NUCB2: variants seen among roughly 807,000 people sequenced by gnomAD.
NUCB2 encodes the protein nucleobindin 2.
Under a neutral mutation model 57.9 loss-of-function variants are expected in NUCB2, and 48 were observed. The ratio of observed to expected loss-of-function variants is 0.83; its 90% CI spans 0.66 to 1.05. NUCB2 has a LOEUF of 1.05. Among genes scored for constraint, NUCB2 ranks in the 50% least tolerant of loss-of-function variants. The probability of loss-of-function intolerance (pLI) is 0.00; values close to 1 mark genes in which losing one functional copy is unlikely to be tolerated. For synonymous variants in NUCB2, 139 were observed against 152.1 expected (o/e 0.91, Z 0.64); for missense variants, 442 against 476.2 (o/e 0.93, Z 0.67).
At chr11:17,288,615 C>A (rs1944244613) in intron 2 of NUCB2, among the ~76,000 whole-genome samples, 1 of 132,988 alleles carries the variant, frequency 7.5e-6, no homozygotes, top group Admixed American at 8.7e-5. Context: ...GTGGCACAAT[C>A]TTGGCTCACT....
intron 2 of NUCB2, among the ~76,000 whole-genome samples, chr11:17,288,268 C>G (rs910666265): frequency 6.6e-6 from 1 of 152,172 alleles, no homozygotes. Flanking sequence ...TGAAAAAGCA[C>G]GGTGGTGTAA....
intron 5 of NUCB2, among the ~76,000 whole-genome samples, chr11:17,309,203 C>G (rs542564197): frequency 2.0e-5 from 3 of 151,940 alleles, no homozygotes; most frequent in Non-Finnish European, 2.9e-5. Context: ...CACCTGTTGT[C>G]CTAGCTACTT....
chr11:17,323,336 T>G (rs1391095750), intron 11 of NUCB2, among the ~76,000 whole-genome samples: 1 of 152,220 alleles, frequency 6.6e-6, no homozygotes, highest in Non-Finnish European at 1.5e-5. Flanking sequence ...GTTGAAATGA[T>G]CATATGGTTT....
At chr11:17,314,935 G>GT (rs138734583) in intron 10 of NUCB2, among the ~76,000 whole-genome samples, 1 of 152,036 alleles carries the variant, frequency 6.6e-6, no homozygotes, top group South Asian at 2.1e-4. Context: ...TGGTAATTGT[G>GT]TTTTTTTAAG....
At position 17,330,355 on chromosome 11, in the gene NUCB2, C is replaced by T. The variant is rs1951239097; in HGVS notation, c.1173+58C>T. On this transcript the variant is annotated intron_variant, in intron 12 of 13. Coordinates refer to ENST00000529010, the MANE Select transcript of NUCB2 (RefSeq NM_005013.4). This position sits in a 1 kb window ranked among gnomAD's most constrained non-coding sequence, Gnocchi z 4.3. ...AAGATTTTAGGTGCTTTGTTAAAAGCCTGTGTTTTTGTAACATATTTCATT... is the reference window on the plus strand; with the variant it reads ...AAGATTTTAGGTGCTTTGTTAAAAGTCTGTGTTTTTGTAACATATTTCATT... 1 of 1,352,156 alleles carries T rather than the reference C, an allele frequency of 7.4e-7. No homozygotes were observed. Among genetic ancestry groups the T allele is most frequent in the Non-Finnish European group, 1.0e-6 (1 of 974,334 alleles). The allele number at this position is 1,352,156 out of a possible 1,614,324, so 83.8% of individuals were successfully genotyped here. A position where few individuals can be genotyped will look rare whatever the true frequency, so the allele number is the denominator to read the frequency against.
At chr11:17,347,286 T>C (rs1049760602) in intron 2 of NUCB2, among the ~76,000 whole-genome samples, 2 of 152,204 alleles carry the variant, frequency 1.3e-5, no homozygotes, top group Non-Finnish European at 2.9e-5. Flanking sequence ...AAGTCAGATA[T>C]GCATCTATCT....
At chr11:17,280,285 T>C (rs1942295130) in intron 1 of NUCB2, among the ~76,000 whole-genome samples, 1 of 152,174 alleles carries the variant, frequency 6.6e-6, no homozygotes, top group South Asian at 2.1e-4. Flanking sequence ...CATTGATGAG[T>C]GTCCTTTTCT....
intron 11 of NUCB2, among the ~76,000 whole-genome samples, chr11:17,315,761 T>C (rs1949149530): frequency 6.6e-6 from 1 of 152,140 alleles, no homozygotes; most frequent in South Asian, 2.1e-4. Flanking sequence ...TATAGATATA[T>C]TGAAAGAATA....
At chr11:17,323,122 A>G (rs1453575598) in intron 11 of NUCB2, among the ~76,000 whole-genome samples, 2 of 152,158 alleles carry the variant, frequency 1.3e-5, no homozygotes, top group Non-Finnish European at 2.9e-5. Flanking sequence ...ACTACATTGA[A>G]TAACAGTGGT....
At chr11:17,324,800 T>TTATG (rs1555105095) in intron 11 of NUCB2, among the ~76,000 whole-genome samples, 5 of 151,454 alleles carry the variant, frequency 3.3e-5, no homozygotes, top group Admixed American at 6.6e-5. Flanking sequence ...ATTTATTTAT[T>TTATG]TATTTATTTA....
In NUCB2 at chr11:17,301,803, T is replaced by G; in HGVS notation, c.312T>G (p.Asp104Glu). ...GTCACCATGTGAGGACAAAACTTGA[T>G]GAACTGAAAAGGCAAGAAGTAGGAA... ...LVSHHVRTKL[D>E]ELKRQEVGRL... is the part of the protein sequence containing the mutation. The change falls in exon 5 of 14, where the codon GAT (aspartate) becomes GAG (glutamate). Residue 104 changes from aspartate (D) to glutamate (E), a missense_variant. Coordinates refer to ENST00000529010, the MANE Select transcript of NUCB2 (RefSeq NM_005013.4). 1 of 1,612,776 alleles carries G rather than the reference T, an allele frequency of 6.2e-7. No homozygotes were observed. Among genetic ancestry groups the G allele is most frequent in the Non-Finnish European group, 8.5e-7 (1 of 1,178,768 alleles).
At chr11:17,319,100 T>C (rs1591503551) in intron 11 of NUCB2, among the ~76,000 whole-genome samples, 1 of 152,350 alleles carries the variant, frequency 6.6e-6, no homozygotes, top group Non-Finnish European at 1.5e-5. Flanking sequence ...ATTATTACTG[T>C]GATGGTTGAC....
At chr11:17,319,504 T>C (rs1949730172) in intron 11 of NUCB2, among the ~76,000 whole-genome samples, 1 of 152,222 alleles carries the variant, frequency 6.6e-6, no homozygotes, top group Non-Finnish European at 1.5e-5. Flanking sequence ...TGTCATTGCT[T>C]CCAAGGTCTT....
intron 2 of NUCB2, among the ~76,000 whole-genome samples, chr11:17,294,076 T>G (rs867228080): frequency 6.6e-6 from 1 of 152,228 alleles, no homozygotes; most frequent in South Asian, 2.1e-4. Flanking sequence ...AATGCACACC[T>G]ATGTATGTGT....
At chr11:17,341,932 AATCC>A (rs1952304123) in intron 2 of NUCB2, among the ~76,000 whole-genome samples, 1 of 152,208 alleles carries the variant, frequency 6.6e-6, no homozygotes, top group Non-Finnish European at 1.5e-5. Context: ...TTAGGCTGTG[AATCC>A]ATCTGGTCCT....
intron 11 of NUCB2, among the ~76,000 whole-genome samples, chr11:17,318,021 AGAGTCTCTCTCT>A (rs1275002105): frequency 6.8e-6 from 1 of 146,970 alleles, no homozygotes; most frequent in Non-Finnish European, 1.5e-5. Context: ...AAATAAAGAC[AGAGTCTCTCTCT>A]GTCACCCAGG....
intron 1 of NUCB2, among the ~76,000 whole-genome samples, chr11:17,280,159 G>T (rs1942263506): frequency 6.6e-6 from 1 of 151,938 alleles, no homozygotes; most frequent in African/African-American, 2.4e-5. Flanking sequence ...ATAATAAAGA[G>T]ATTATAATTT....
At chr11:17,334,994 AT>A (rs1381466248), downstream of NUCB2, among the ~76,000 whole-genome samples, 3 of 152,164 alleles carry the variant, frequency 2.0e-5, no homozygotes, top group Admixed American at 2.0e-4. Flanking sequence ...TGATCATTGC[AT>A]ATTCCTCCAA....
intron 2 of NUCB2, among the ~76,000 whole-genome samples, chr11:17,340,195 G>T (rs1490164578): frequency 1.3e-5 from 2 of 151,944 alleles, no homozygotes; most frequent in Non-Finnish European, 2.9e-5. Flanking sequence ...CTTTTTGATG[G>T]GGTTGTTTTT....
Sources: gnomAD v4.1 joint callset for allele counts (sites outside exome capture counted in the v4.1 genomes callset) on GRCh38, gnomAD v4.1.1 for gene constraint, Gnocchi (gnomAD v3.1) non-coding constraint, MANE v1.5 for transcripts, NCBI Gene and HGNC (gene_info 2026-07-23, HGNC 2026-07-21) for gene names.